The following HYDIN variants were observed in gnomAD, a reference collection of about 807,000 sequenced individuals.
The protein encoded by HYDIN is axonemal central pair apparatus protein HYDIN.
HYDIN carries 132 observed loss-of-function variants against 403.9 expected under a neutral mutation model. The observed-to-expected ratio is 0.33, with a 90% CI of 0.28 to 0.38. The LOEUF (loss-of-function observed/expected upper bound fraction) is 0.38. HYDIN is among the 10% of genes least tolerant of loss of function. The probability of loss-of-function intolerance (pLI) is 1.00; values close to 1 mark genes in which losing one functional copy is unlikely to be tolerated. For synonymous variants in HYDIN, 1,202 were observed against 1,891.7 expected (o/e 0.64, Z 9.46); for missense variants, 2,827 against 5,009.5 (o/e 0.56, Z 13.15).
chr16:70,813,966 T>G (rs1050579480), intron 84 of HYDIN, among the ~76,000 whole-genome samples: 2 of 151,996 alleles, frequency 1.3e-5, no homozygotes, highest in Admixed American at 6.6e-5. Context: ...AACAGACCCA[T>G]GCATAGATGA....
At chr16:70,821,741 T>A (rs8053091) in intron 83 of HYDIN, among the ~76,000 whole-genome samples, 4,172 of 151,890 alleles carry the variant, frequency 0.027, 172 homozygotes, top group African/African-American at 0.093. Context: ...AGTTTTTTTT[T>A]AAAAACTAAT....
intron 83 of HYDIN, among the ~76,000 whole-genome samples, chr16:70,826,458 A>G (rs1381120695): frequency 1.3e-5 from 2 of 152,086 alleles, no homozygotes; most frequent in African/African-American, 2.4e-5. Flanking sequence ...GGGGATATAA[A>G]TAATATTCAC....
intron 18 of HYDIN, among the ~76,000 whole-genome samples, chr16:71,052,843 C>G (rs1332304239): frequency 7.1e-6 from 1 of 141,222 alleles, no homozygotes; most frequent in Non-Finnish European, 1.5e-5. Flanking sequence ...AGAGTAAGAA[C>G]CTGAAAAAAA....
chr16:70,834,668 C>T (rs1380205664), intron 78 of HYDIN, among the ~76,000 whole-genome samples: 4 of 151,984 alleles, frequency 2.6e-5, no homozygotes, highest in South Asian at 4.2e-4. Flanking sequence ...GCCAACATGG[C>T]GAAACCCCGT....
intron 1 of HYDIN, among the ~76,000 whole-genome samples, chr16:71,211,289 A>C (rs775517496): frequency 9.9e-5 from 15 of 152,204 alleles, no homozygotes; most frequent in Admixed American, 3.3e-4. Context: ...TCAAGCCATG[A>C]GCTAGGCTTG....
intron 23 of HYDIN, among the ~76,000 whole-genome samples, chr16:71,003,855 C>T (rs1421706639): frequency 6.6e-6 from 1 of 151,672 alleles, no homozygotes; most frequent in East Asian, 1.9e-4. Flanking sequence ...ATCCTCCTCA[C>T]TCGATTCTTT....
At chr16:71,189,945 C>G (rs2087347037) in intron 1 of HYDIN, among the ~76,000 whole-genome samples, 1 of 151,900 alleles carries the variant, frequency 6.6e-6, no homozygotes, top group Non-Finnish European at 1.5e-5. Flanking sequence ...AGTTAGGAAC[C>G]AAGCATTTCA....
intron 8 of HYDIN, among the ~76,000 whole-genome samples, chr16:71,136,938 C>T (rs2084948166): frequency 7.1e-6 from 1 of 140,458 alleles, no homozygotes; most frequent in Non-Finnish European, 1.5e-5. Flanking sequence ...GTTACATCAA[C>T]TCAGGATGGA....
intron 9 of HYDIN, among the ~76,000 whole-genome samples, chr16:71,125,925 G>C (rs2084436141): frequency 6.6e-6 from 1 of 150,722 alleles, no homozygotes. Context: ...TCCACTATCT[G>C]ACCTGCACCA....
chr16:71,092,382 G>A (rs1244271721), intron 11 of HYDIN, among the ~76,000 whole-genome samples: 1 of 152,100 alleles, frequency 6.6e-6, no homozygotes, highest in Non-Finnish European at 1.5e-5. Context: ...AGAAACCTTT[G>A]TTTTGGACTT....
rs1408006280 is a variant in HYDIN at position 70,871,787 on chromosome 16, C to T, written c.11091+250G>A. Among the ~76,000 whole-genome samples the T allele has an allele frequency of 4.7e-5, 6 of 126,698 alleles. No homozygotes were observed. In the Admixed American group the frequency reaches 5.0e-4, roughly 11 times the overall value. The allele number at this position is 126,698 out of a possible 152,430, so 83.1% of individuals were successfully genotyped here. A position where few individuals can be genotyped will look rare whatever the true frequency, so the allele number is the denominator to read the frequency against. On this transcript the variant is annotated intron_variant, in intron 65 of 85. Coordinates refer to ENST00000393567, the MANE Select transcript of HYDIN (RefSeq NM_001270974.2). ...ACCTGTATTCATCTATACAGGCCTC[C>T]ACAGGGCCCGTTGACAGCAGCCTAG...
At chr16:70,906,153 A>G (rs1329051693) in intron 50 of HYDIN, among the ~76,000 whole-genome samples, 1 of 152,202 alleles carries the variant, frequency 6.6e-6, no homozygotes, top group East Asian at 1.9e-4. Context: ...TATAACTGAA[A>G]AAAAACTAGA....
chr16:70,863,265 A>T, intron 67 of HYDIN, 83 bp from the exon 68 acceptor site: 1 of 1,287,130 alleles, frequency 7.8e-7, no homozygotes, highest in Non-Finnish European at 1.0e-6. Flanking sequence ...TACTGTACTT[A>T]ACCTTTTGAA....
intron 27 of HYDIN, among the ~76,000 whole-genome samples, chr16:70,987,474 G>A (rs2079225859): frequency 6.6e-6 from 1 of 152,056 alleles, no homozygotes; most frequent in Non-Finnish European, 1.5e-5. Context: ...ATGGCTTGAT[G>A]AGACCCTGTA....
chr16:71,106,716 T>C (rs1474355872), intron 10 of HYDIN, among the ~76,000 whole-genome samples: 1 of 151,428 alleles, frequency 6.6e-6, no homozygotes. Flanking sequence ...GAAAATGAAA[T>C]ACAACTAGAG....
intron 1 of HYDIN, among the ~76,000 whole-genome samples, chr16:71,218,352 G>A (rs1319553494): frequency 6.6e-6 from 1 of 152,226 alleles, no homozygotes. Context: ...TGGGCAAGAG[G>A]TCAAGATGAC....
chr16:71,200,142 G>C (rs182687183), intron 1 of HYDIN, among the ~76,000 whole-genome samples: 54 of 152,280 alleles, frequency 3.5e-4, no homozygotes, highest in African/African-American at 1.2e-3. Flanking sequence ...GGAAGTTACC[G>C]TATATGGTCT....
At chr16:71,187,527 T>C (rs2087216968) in intron 1 of HYDIN, among the ~76,000 whole-genome samples, 1 of 152,294 alleles carries the variant, frequency 6.6e-6, no homozygotes, top group South Asian at 2.1e-4. Flanking sequence ...CAGAAAACCA[T>C]CTATGACTAG....
chr16:71,035,313 CA>C, intron 18 of HYDIN, among the ~76,000 whole-genome samples: 1 of 49,862 alleles, frequency 2.0e-5, no homozygotes, highest in Non-Finnish European at 4.3e-5. Context: ...CCTAATTTAT[CA>C]AAAGAAACAT....
Sources: allele counts gnomAD v4.1 joint callset (sites outside exome capture counted in the v4.1 genomes callset), GRCh38; gene constraint gnomAD v4.1.1; transcripts MANE v1.5; gene names NCBI Gene and HGNC (gene_info 2026-07-23, HGNC 2026-07-21).